PTK2: variants seen among roughly 807,000 people sequenced by gnomAD.
PTK2 encodes focal adhesion kinase 1.
In PTK2, 45 loss-of-function variants were observed where a neutral mutation model predicts 150.1. The observed-to-expected ratio is 0.30, with a 90% CI of 0.24 to 0.38. The LOEUF is 0.38. Among genes scored for constraint, PTK2 ranks in the 10% least tolerant of loss-of-function variants. The pLI is 1.00. For missense variants in PTK2, 919 were observed against 1,307.3 expected (o/e 0.70, Z 4.58); for synonymous variants, 432 against 449.2 (o/e 0.96, Z 0.48).
chr8:140,884,578 T>TAACA (rs2100151602), intron 3 of PTK2, among the ~76,000 whole-genome samples: 1 of 152,170 alleles, frequency 6.6e-6, no homozygotes, highest in South Asian at 2.1e-4. Context: ...TGATGACACC[T>TAACA]AACAATAAAC....
At chr8:140,768,238 G>T (rs1308565412) in intron 14 of PTK2, among the ~76,000 whole-genome samples, 1 of 151,934 alleles carries the variant, frequency 6.6e-6, no homozygotes, top group African/African-American at 2.4e-5. Flanking sequence ...AAAAACAGGT[G>T]GGCCATATTT....
chr8:140,698,948 T>A lies in PTK2; in HGVS notation c.2499+1943A>T, dbSNP rs889872305. ...TATTTTTTTTTTTTTTTTTTTTTTT[T>A]AGTAGAGACGGGGTTTCACCATGTG... On this transcript the variant is annotated intron_variant, in intron 26 of 31. Transcript: ENST00000522684. 2.1e-5 allele frequency among the ~76,000 whole-genome samples: 3 copies of A among 143,570 alleles called. No homozygotes were observed. In the South Asian group the frequency reaches 6.5e-4, roughly 31 times the overall value. 94.2% of individuals were successfully genotyped at this position (143,570 alleles called of 152,430 possible).
rs115120329 is a variant in PTK2, at chr8:140,686,822, G to A, written c.2500-128C>T. 1,694 of 817,286 alleles carry A rather than the reference G, an allele frequency of 2.1e-3. 18 individuals carry two copies. In the African/African-American group the frequency reaches 0.026, roughly 12 times the overall value. The allele number at this position is 817,286 out of a possible 1,614,324, so 50.6% of individuals were successfully genotyped here. On this transcript the variant is annotated intron_variant, in intron 26 of 31. Transcript: ENST00000522684. ...AATAAGAAGAGTTGAAAGTTCCCCC[G>A]TTTCAAAAAAATTCCAGTGATGATA...
At chr8:140,702,314 G>A (rs1040832937) in intron 25 of PTK2, among the ~76,000 whole-genome samples, 2 of 149,384 alleles carry the variant, frequency 1.3e-5, no homozygotes, top group Admixed American at 6.7e-5. Context: ...CGACTTCCTA[G>A]GCTCAAATGA....
intron 1 of PTK2, among the ~76,000 whole-genome samples, chr8:140,976,314 G>A (rs2100189245): frequency 6.6e-6 from 1 of 152,150 alleles, no homozygotes; most frequent in African/African-American, 2.4e-5. Context: ...TGAGATTCAG[G>A]AGACAGATAA....
intron 2 of PTK2, among the ~76,000 whole-genome samples, chr8:140,915,033 CAAAAAAAA>C (rs10661609): frequency 1.1e-4 from 6 of 53,072 alleles, no homozygotes; most frequent in East Asian, 5.5e-4. Context: ...AACTCCAACT[CAAAAAAAA>C]AAAAAAAAAA....
At chr8:140,860,654 G>C (rs1284881935) in intron 5 of PTK2, among the ~76,000 whole-genome samples, 2 of 152,082 alleles carry the variant, frequency 1.3e-5, no homozygotes, top group Non-Finnish European at 2.9e-5. Flanking sequence ...TTTATTTTTA[G>C]TAGAGACGGA....
At chr8:140,681,189 AC>A (rs1376250605) in intron 27 of PTK2, among the ~76,000 whole-genome samples, 3 of 151,412 alleles carry the variant, frequency 2.0e-5, no homozygotes, top group Non-Finnish European at 2.9e-5. Context: ...ACATGGTGAA[AC>A]CCCGTCTCTA....
At chr8:140,852,732 G>C (rs945697004) in intron 5 of PTK2, among the ~76,000 whole-genome samples, 11 of 152,188 alleles carry the variant, frequency 7.2e-5, no homozygotes, top group African/African-American at 2.7e-4. Flanking sequence ...TACGTGGAAA[G>C]CACCATTTAA....
chr8:140,665,993 T>C (rs1015202804), intron 30 of PTK2, among the ~76,000 whole-genome samples: 4 of 152,214 alleles, frequency 2.6e-5, no homozygotes, highest in African/African-American at 9.6e-5. Context: ...TTTTTCCACA[T>C]TGATGGTTTA....
At chr8:140,947,966 A>G (rs890666087) in intron 1 of PTK2, among the ~76,000 whole-genome samples, 1 of 152,218 alleles carries the variant, frequency 6.6e-6, no homozygotes, top group Non-Finnish European at 1.5e-5. Flanking sequence ...GGTGTTAACA[A>G]CCTTACAGTA....
In PTK2 at chr8:140,905,351, CAA is replaced by C. The variant is rs35398296; in HGVS notation, c.-32-14584_-32-14583del. ...GAATATTTACCAAGCACATGGAAAGCAAAAAAAAAAGCAGAGGTTGCAATCCT... is the reference window on the plus strand; with the variant it reads ...GAATATTTACCAAGCACATGGAAAGCAAAAAAAAGCAGAGGTTGCAATCCT... On this transcript the variant is annotated intron_variant, in intron 2 of 31. Coordinates refer to ENST00000522684, the Ensembl canonical transcript of PTK2. 5.4e-5 allele frequency among the ~76,000 whole-genome samples: 8 copies of C among 146,932 alleles called. No individual in the cohort carries two copies. In the East Asian group the frequency reaches 1.2e-3, roughly 22 times the overall value.
chr8:140,705,082 C>T (rs1283641361), intron 24 of PTK2, among the ~76,000 whole-genome samples: 1 of 152,214 alleles, frequency 6.6e-6, no homozygotes, highest in East Asian at 1.9e-4. Flanking sequence ...ATAAGCTATT[C>T]TTGGGCTCCA....
chr8:140,877,439 G>A (rs1186973523), intron 4 of PTK2, among the ~76,000 whole-genome samples: 1 of 152,118 alleles, frequency 6.6e-6, no homozygotes, highest in Non-Finnish European at 1.5e-5. Context: ...GTACTATGAA[G>A]CCAGACAGCT....
rs370537018 is a variant in PTK2, at chr8:140,820,076, G to GTTTTTTTTTTTTTT, written c.649-1070_649-1057dup. ...AGAGGAGTGACTTTATCTGACTTTGGTTTTTTTTTTTTTTTTTTTTTTTTT... is the reference window on the plus strand; with the variant it reads ...AGAGGAGTGACTTTATCTGACTTTGGTTTTTTTTTTTTTTTTTTTTTTTTTTTTTTTTTTTTTTT... On this transcript the variant is annotated intron_variant, in intron 8 of 31. Coordinates refer to ENST00000522684, the Ensembl canonical transcript of PTK2. Among the ~76,000 whole-genome samples, 10 of 50,252 alleles carry GTTTTTTTTTTTTTT rather than the reference G, an allele frequency of 2.0e-4. 2 individuals carry two copies. The highest frequency in any genetic ancestry group is 3.3e-4 in the Non-Finnish European group (8 of 23,964). 33.0% of individuals were successfully genotyped at this position (50,252 alleles called of 152,430 possible).
At position 140,980,339 on chromosome 8, in the gene PTK2, C is replaced by T. The variant is rs527755845; in HGVS notation, c.-122+20786G>A. Among the ~76,000 whole-genome samples the T allele has an allele frequency of 8.6e-4, 131 of 152,258 alleles. 1 individual carries two copies. The highest frequency in any genetic ancestry group is 3.0e-3 in the African/African-American group (123 of 41,538). ...TGATACCCTTAGTATAAAGTTCGGC[C>T]GGGCACGGTGGCTCACGCCTGTAAT... On this transcript the variant is annotated intron_variant, in intron 1 of 31. Coordinates refer to ENST00000522684, the Ensembl canonical transcript of PTK2.
chr8:140,911,338 G>A (rs535252587), intron 2 of PTK2, among the ~76,000 whole-genome samples: 2 of 152,008 alleles, frequency 1.3e-5, no homozygotes, highest in Non-Finnish European at 2.9e-5. Flanking sequence ...TGGTAATCAG[G>A]AAACCATGTT....
rs1177082813 is a variant in PTK2 at position 140,799,979 on chromosome 8, C to T, written c.1093+480G>A. On this transcript the variant is annotated intron_variant, in intron 12 of 31. Coordinates refer to ENST00000522684, the Ensembl canonical transcript of PTK2. ...CCACACCGCTTTTATAGTGACGTTT[C>T]TAGGATATTTATTCATTCTAATCTT... Among the ~76,000 whole-genome samples the T allele has an allele frequency of 9.9e-5, 15 of 152,230 alleles. No individual in the cohort carries two copies. In the East Asian group the frequency reaches 2.9e-3, roughly 29 times the overall value.
chr8:140,963,637 A>G (rs2100184183), intron 1 of PTK2, among the ~76,000 whole-genome samples: 1 of 152,212 alleles, frequency 6.6e-6, no homozygotes, highest in South Asian at 2.1e-4. Flanking sequence ...AAAACAAATT[A>G]TGTCAACCGC....
Sources: allele counts gnomAD v4.1 joint callset (sites outside exome capture counted in the v4.1 genomes callset), GRCh38; gene constraint gnomAD v4.1.1; transcripts MANE v1.5; gene names NCBI Gene and HGNC (gene_info 2026-07-23, HGNC 2026-07-21).